GRK1: variants seen among roughly 807,000 people sequenced by gnomAD.
The protein encoded by GRK1 is rhodopsin kinase GRK1.
GRK1 carries 28 observed loss-of-function variants against 41.7 expected under a neutral mutation model. The observed-to-expected ratio is 0.67, with a 90% CI of 0.50 to 0.92. The LOEUF is 0.92. Ranked by LOEUF, GRK1 falls within the 40% of genes least tolerant of loss-of-function variation. The pLI, the probability that GRK1 is intolerant of heterozygous loss-of-function variation, is 0.00. For missense variants in GRK1, 703 were observed against 671.2 expected (o/e 1.05, Z -0.52); for synonymous variants, 327 against 286.7 (o/e 1.14, Z -1.42).
At chr13:113,653,300 A>T in the GRK1 span, 1 of 1,606,410 alleles carries the variant, frequency 6.2e-7, no homozygotes, top group Non-Finnish European at 8.5e-7. Flanking sequence ...TTCACACCTC[A>T]CCTGCCGTTT....
intron 4 of GRK1, among the ~76,000 whole-genome samples, chr13:113,729,356 A>C (rs891199673): frequency 1.3e-4 from 20 of 152,218 alleles, no homozygotes; most frequent in African/African-American, 2.4e-5. Context: ...AATTTAGTAA[A>C]GTGTTGGGAA....
At chr13:113,730,846 G>A (rs1410765227) in intron 4 of GRK1, among the ~76,000 whole-genome samples, 1 of 152,248 alleles carries the variant, frequency 6.6e-6, no homozygotes, top group Non-Finnish European at 1.5e-5. Flanking sequence ...AGCTCAAGAG[G>A]AAAATTCAAA....
chr13:113,664,505 C>A (rs2049806285), upstream of GRK1, among the ~76,000 whole-genome samples: 1 of 152,206 alleles, frequency 6.6e-6, no homozygotes, highest in Non-Finnish European at 1.5e-5. The surrounding 1 kb of genome is among the most constrained non-coding windows in gnomAD (Gnocchi z 5.4). Flanking sequence ...CACGTTCACT[C>A]TGAAATCACT....
the GRK1 span, chr13:113,650,295 G>T: frequency 1.9e-6 from 2 of 1,064,316 alleles, no homozygotes; most frequent in Non-Finnish European, 1.4e-6. This position sits in a 1 kb window ranked among gnomAD's most constrained non-coding sequence, Gnocchi z 5.0. Context: ...GACCGGCTAA[G>T]TCACACCTTT....
At chr13:113,656,128 G>A in the GRK1 span, among the ~76,000 whole-genome samples, 1 of 152,196 alleles carries the variant, frequency 6.6e-6, no homozygotes, top group African/African-American at 2.4e-5. Flanking sequence ...CAGCAGTGTG[G>A]GGCCCGCAGT....
At chr13:113,723,874 C>T (rs568542218) in intron 4 of GRK1, among the ~76,000 whole-genome samples, 7 of 107,128 alleles carry the variant, frequency 6.5e-5, no homozygotes, top group Middle Eastern at 5.0e-3. Context: ...ATGCCCGTGT[C>T]TGTGCACACA....
the GRK1 span, among the ~76,000 whole-genome samples, chr13:113,648,307 G>A: frequency 0.51 from 78,086 of 152,168 alleles, 22,353 homozygotes; most frequent in East Asian, 0.64. Context: ...TTCCAAGACC[G>A]TTTCTCATGG....
chr13:113,727,514 C>G (rs1348416060), intron 4 of GRK1, among the ~76,000 whole-genome samples: 3 of 152,070 alleles, frequency 2.0e-5, no homozygotes, highest in Non-Finnish European at 2.9e-5. Flanking sequence ...GGACAAGTTG[C>G]TGCACATCCC....
intron 6 of GRK1, among the ~76,000 whole-genome samples, chr13:113,733,538 C>T (rs2049954958): frequency 1.4e-5 from 2 of 145,606 alleles, no homozygotes; most frequent in South Asian, 4.5e-4. Flanking sequence ...CGCGTGTGTG[C>T]ATGCGTGTGC....
Position 113,735,369 on chromosome 13 carries a change from G to A in GRK1, c.*6G>A, listed in dbSNP as rs1214966180. ...GGATGTGTCTGGTTTCCTAGGTGAC[G>A]CCCCAGAGTCCACGTGGAGGAAAAG... On this transcript the variant is annotated 3_prime_UTR_variant, in exon 7 of 7. Transcript: ENST00000335678. 4.0e-6 allele frequency: 6 copies of A among 1,482,970 alleles called. No individual in the cohort carries two copies. In the African/African-American group the frequency reaches 5.6e-5, roughly 14 times the overall value. The allele number at this position is 1,482,970 out of a possible 1,614,324, so 91.9% of individuals were successfully genotyped here.
chr13:113,657,989 G>T, the GRK1 span: 1 of 1,497,012 alleles, frequency 6.7e-7, no homozygotes, highest in Non-Finnish European at 9.0e-7. Context: ...CGTCCTCAGA[G>T]CGGCCCCCTC....
At chr13:113,657,891 C>T in the GRK1 span, 50 of 700,668 alleles carry the variant, frequency 7.1e-5, no homozygotes, top group Non-Finnish European at 1.0e-4. Context: ...AGGCCCTGGC[C>T]GAAGCCCGTC....
chr13:113,657,428 T>TAC, the GRK1 span, among the ~76,000 whole-genome samples: 1 of 152,202 alleles, frequency 6.6e-6, no homozygotes, highest in Non-Finnish European at 1.5e-5. Context: ...TTCCACCACC[T>TAC]GTGTGGCCTT....
Position 113,735,547 on chromosome 13 carries a change from G to C in GRK1, c.*184G>C. On this transcript the variant is annotated 3_prime_UTR_variant, in exon 7 of 7. Transcript: ENST00000335678. The stretch of plus-strand genomic sequence containing the variant: ...AAGCCCACATCGGCCTGAGCCGCCA[G>C]ACGCACATGCTGGTGCCGTGAGCCC... The C allele has an allele frequency of 1.7e-6, 1 of 591,776 alleles. No individual in the cohort carries two copies. The highest frequency in any genetic ancestry group is 2.8e-6 in the Non-Finnish European group (1 of 362,106). The allele number at this position is 591,776 out of a possible 1,614,324, so 36.7% of individuals were successfully genotyped here. A position where few individuals can be genotyped will look rare whatever the true frequency, so the allele number is the denominator to read the frequency against.
intron 6 of GRK1, chr13:113,734,761 C>G (rs1215975664): frequency 7.5e-6 from 2 of 267,652 alleles, no homozygotes; most frequent in Admixed American, 1.0e-4. Context: ...ATGACGAGAC[C>G]CTAGGGGAGG....
At chr13:113,666,044 A>G (rs2049816137), upstream of GRK1, among the ~76,000 whole-genome samples, 1 of 119,904 alleles carries the variant, frequency 8.3e-6, no homozygotes, top group Admixed American at 8.8e-5. Context: ...CCCCAGGCAT[A>G]TCCCAGGTGT....
At chr13:113,653,144 T>G in the GRK1 span, 2 of 1,537,614 alleles carry the variant, frequency 1.3e-6, no homozygotes, top group Non-Finnish European at 1.8e-6. Context: ...GGGAAGGCCT[T>G]GCAAGCCCTG....
chr13:113,650,368 C>T, the GRK1 span: 1 of 1,576,778 alleles, frequency 6.3e-7, no homozygotes, highest in Non-Finnish European at 8.7e-7. This position sits in a 1 kb window ranked among gnomAD's most constrained non-coding sequence, Gnocchi z 5.0. Flanking sequence ...GAGGACTCAG[C>T]AGCTGTGGTG....
intron 6 of GRK1, 94 bp from the exon 7 acceptor site, chr13:113,734,974 C>A: frequency 8.1e-7 from 1 of 1,233,364 alleles, no homozygotes. Flanking sequence ...GGCCTTTGTG[C>A]ATCTGGGAGC....
Sources: allele counts gnomAD v4.1 joint callset (sites outside exome capture counted in the v4.1 genomes callset), GRCh38; gene constraint gnomAD v4.1.1; non-coding constraint Gnocchi (gnomAD v3.1); transcripts MANE v1.5; gene names NCBI Gene and HGNC (gene_info 2026-07-23, HGNC 2026-07-21).